Variants in KCND2 observed in about 807,000 individuals in gnomAD.
KCND2 encodes potassium voltage-gated channel subfamily D member 2.
Under a neutral mutation model 54.4 loss-of-function variants are expected in KCND2, and 16 were observed. The ratio of observed to expected loss-of-function variants is 0.29; its 90% CI spans 0.20 to 0.45. KCND2 has a LOEUF of 0.45. KCND2 is among the 20% of genes least tolerant of loss of function. The pLI, the probability that KCND2 is intolerant of heterozygous loss-of-function variation, is 1.00. For synonymous variants in KCND2, 317 were observed against 310.7 expected, an observed-to-expected ratio of 1.02 and a Z score of -0.21; for missense variants, 486 against 824.2, an observed-to-expected ratio of 0.59 and a Z score of 5.02.
At chr7:120,677,961 A>G (rs894603212) in intron 1 of KCND2, among the ~76,000 whole-genome samples, 1 of 152,060 alleles carries the variant, frequency 6.6e-6, no homozygotes, top group African/African-American at 2.4e-5. Context: ...TGTATACTTT[A>G]ATCAATGTTG....
chr7:120,438,704 A>G (rs962294844), intron 1 of KCND2, among the ~76,000 whole-genome samples: 6 of 152,134 alleles, frequency 3.9e-5, no homozygotes, highest in Admixed American at 1.3e-4. Context: ...TCATAATGTC[A>G]CACATGAAAA....
chr7:120,674,161 C>A (rs1237474282), intron 1 of KCND2, among the ~76,000 whole-genome samples: 3 of 152,090 alleles, frequency 2.0e-5, no homozygotes, highest in Non-Finnish European at 4.4e-5. Flanking sequence ...ACCTCAGCCT[C>A]CCCAAGTGCA....
intron 1 of KCND2, among the ~76,000 whole-genome samples, chr7:120,691,255 G>T (rs181598972): frequency 1.2e-3 from 178 of 152,328 alleles, no homozygotes; most frequent in African/African-American, 4.1e-3. Context: ...AACATCTGCT[G>T]TAACAGGATC....
intron 1 of KCND2, among the ~76,000 whole-genome samples, chr7:120,320,793 G>C (rs887675590): frequency 6.6e-6 from 1 of 152,124 alleles, no homozygotes; most frequent in African/African-American, 2.4e-5. Flanking sequence ...TTGCTCTGTC[G>C]CTAACCTGGC....
chr7:120,403,114 A>G (rs763714354), intron 1 of KCND2, among the ~76,000 whole-genome samples: 1 of 152,198 alleles, frequency 6.6e-6, no homozygotes, highest in Non-Finnish European at 1.5e-5. Flanking sequence ...CCAAGCTCCC[A>G]AGAGTTGACA....
At chr7:120,506,106 G>A (rs978053494) in intron 1 of KCND2, among the ~76,000 whole-genome samples, 2 of 151,586 alleles carry the variant, frequency 1.3e-5, no homozygotes, top group Non-Finnish European at 3.0e-5. Flanking sequence ...CCAGAGGGAG[G>A]TGCAAGCTGT....
intron 1 of KCND2, among the ~76,000 whole-genome samples, chr7:120,723,912 A>G (rs888177145): frequency 2.3e-4 from 35 of 152,238 alleles, no homozygotes; most frequent in African/African-American, 8.2e-4. Flanking sequence ...GGAAGCATAA[A>G]CAGTGTAGAA....
At position 120,383,731 on chromosome 7, in the gene KCND2, T is replaced by C. The variant is rs182315430; in HGVS notation, c.1115+107984T>C. On this transcript the variant is annotated intron_variant, in intron 1 of 5. Transcript: ENST00000331113. ...GTGAACTGGGTTATCCCTTTATATC[T>C]CAACTCAGAAGAAAAAAATACAGTG... Among the ~76,000 whole-genome samples, 12 of 152,186 alleles carry C rather than the reference T, an allele frequency of 7.9e-5. No homozygotes were observed. In the East Asian group the frequency reaches 2.3e-3, roughly 29 times the overall value.
At chr7:120,474,401 G>A (rs1474606039) in intron 1 of KCND2, among the ~76,000 whole-genome samples, 1 of 151,964 alleles carries the variant, frequency 6.6e-6, no homozygotes, top group African/African-American at 2.4e-5. Flanking sequence ...GCAGTGGTGC[G>A]ATCTCGGCTC....
At chr7:120,570,509 A>G (rs909706757) in intron 1 of KCND2, among the ~76,000 whole-genome samples, 1 of 152,056 alleles carries the variant, frequency 6.6e-6, no homozygotes, top group Non-Finnish European at 1.5e-5. Flanking sequence ...TGTAGTATGA[A>G]CCAATAAAAA....
chr7:120,731,224 C>T (rs1324542562), intron 1 of KCND2, among the ~76,000 whole-genome samples: 1 of 152,166 alleles, frequency 6.6e-6, no homozygotes, highest in Non-Finnish European at 1.5e-5. Context: ...AGCAATTTTA[C>T]ATTCTAATGT....
rs542397655 is a variant in KCND2, at chr7:120,711,610, G to A, written c.1116-21293G>A. Reference sequence around the variant, plus strand: ...CATTGAATCACATGAGGATATACCCGTTCTTGTAATTGAAGACTTGACATT... The same window carrying A: ...CATTGAATCACATGAGGATATACCCATTCTTGTAATTGAAGACTTGACATT... On this transcript the variant is annotated intron_variant, in intron 1 of 5. Coordinates refer to ENST00000331113, the MANE Select transcript of KCND2 (RefSeq NM_012281.3). Among the ~76,000 whole-genome samples, 6 of 152,226 alleles carry A rather than the reference G, an allele frequency of 3.9e-5. No homozygotes were observed. In the South Asian group the frequency reaches 8.3e-4, roughly 21 times the overall value.
chr7:120,698,587 A>G (rs761782246), intron 1 of KCND2, among the ~76,000 whole-genome samples: 85 of 152,360 alleles, frequency 5.6e-4, no homozygotes, highest in South Asian at 1.7e-3. Context: ...TCTACATACT[A>G]TTTCAGGTTG....
chr7:120,295,433 A>G (rs943794076), intron 1 of KCND2, among the ~76,000 whole-genome samples: 1 of 151,238 alleles, frequency 6.6e-6, no homozygotes, highest in African/African-American at 2.4e-5. Context: ...CACATTCTAC[A>G]TTACAGTGCA....
intron 1 of KCND2, among the ~76,000 whole-genome samples, chr7:120,584,096 C>T (rs1029300410): frequency 6.6e-6 from 1 of 152,180 alleles, no homozygotes; most frequent in Non-Finnish European, 1.5e-5. Context: ...TCTCTTGAAA[C>T]TGAGGTAAAC....
chr7:120,426,764 C>G (rs560630254), intron 1 of KCND2, among the ~76,000 whole-genome samples: 6 of 151,606 alleles, frequency 4.0e-5, no homozygotes, highest in Non-Finnish European at 7.4e-5. Flanking sequence ...TGGGACTACA[C>G]GCGCCTGCCA....
intron 1 of KCND2, among the ~76,000 whole-genome samples, chr7:120,586,071 A>G (rs1194634218): frequency 6.6e-6 from 1 of 152,050 alleles, no homozygotes; most frequent in East Asian, 1.9e-4. Flanking sequence ...ATTTCTATAG[A>G]TTGTTTTTTC....
chr7:120,593,240 T>C (rs1368089894), intron 1 of KCND2, among the ~76,000 whole-genome samples: 5 of 152,156 alleles, frequency 3.3e-5, no homozygotes, highest in African/African-American at 7.2e-5. Context: ...ATGCAGTATG[T>C]GAGAGCTGAT....
intron 1 of KCND2, among the ~76,000 whole-genome samples, chr7:120,333,059 A>G (rs1312387670): frequency 2.0e-5 from 3 of 152,106 alleles, no homozygotes; most frequent in Admixed American, 1.3e-4. Flanking sequence ...TGTCTTCATG[A>G]CATTCCATAC....
Sources: gnomAD v4.1 joint callset for allele counts (sites outside exome capture counted in the v4.1 genomes callset) on GRCh38, gnomAD v4.1.1 for gene constraint, MANE v1.5 for transcripts, NCBI Gene and HGNC (gene_info 2026-07-23, HGNC 2026-07-21) for gene names.